ADARB1: variants seen among roughly 807,000 people sequenced by gnomAD.
ADARB1 encodes the protein double-stranded RNA-specific editase 1.
A neutral mutation model predicts 52.4 loss-of-function variants in ADARB1; 10 were observed. That is an observed-to-expected ratio of 0.19 (90% CI 0.12 to 0.32). The LOEUF (loss-of-function observed/expected upper bound fraction) is 0.32, where lower values mean the gene tolerates loss of function less well. Ranked by LOEUF, ADARB1 falls within the 10% of genes least tolerant of loss-of-function variation. The pLI, the probability that ADARB1 is intolerant of heterozygous loss-of-function variation, is 1.00. For synonymous variants in ADARB1, 349 were observed against 371.1 expected (o/e 0.94, Z 0.68); for missense variants, 643 against 922.3 (o/e 0.70, Z 3.92).
intron 1 of ADARB1, among the ~76,000 whole-genome samples, chr21:45,093,020 G>A (rs2123691976): frequency 6.6e-6 from 1 of 151,968 alleles, no homozygotes; most frequent in South Asian, 2.1e-4. Flanking sequence ...TCTGTTACTA[G>A]GCCCTGAAAC....
chr21:45,196,089 T>C (rs1312999135), intron 8 of ADARB1, among the ~76,000 whole-genome samples: 5 of 152,226 alleles, frequency 3.3e-5, no homozygotes, highest in East Asian at 1.9e-4. Flanking sequence ...GTTTTACTTA[T>C]ACAGATCTTG....
intron 1 of ADARB1, among the ~76,000 whole-genome samples, chr21:45,101,977 C>T (rs1176815332): frequency 1.2e-4 from 19 of 152,190 alleles, no homozygotes; most frequent in Admixed American, 1.2e-3. Flanking sequence ...CCTCAACTTC[C>T]AGGCTCAAGT....
chr21:45,082,354 A>C (rs1220394884), intron 1 of ADARB1, among the ~76,000 whole-genome samples: 1 of 152,236 alleles, frequency 6.6e-6, no homozygotes, highest in Non-Finnish European at 1.5e-5. Flanking sequence ...TTTCTATTAA[A>C]TATGTATCAC....
chr21:45,223,766 G>A lies in ADARB1; in HGVS notation c.*1569G>A. 1.0e-6 allele frequency: 1 copy of A among 985,484 alleles called. No homozygotes were observed. Among genetic ancestry groups the A allele is most frequent in the African/African-American group, 1.7e-5 (1 of 57,360 alleles). 61.0% of individuals were successfully genotyped at this position (985,484 alleles called of 1,614,324 possible). On this transcript the variant is annotated 3_prime_UTR_variant, in exon 11 of 11. Coordinates refer to ENST00000348831, the MANE Select transcript of ADARB1 (RefSeq NM_001112.4). ...TCAGACCCCAAAACTGAAACACCGT[G>A]GCTTCGGCGGGGGGTGTGCCTCCTG...
chr21:45,092,181 C>A (rs1446015262), intron 1 of ADARB1, among the ~76,000 whole-genome samples: 2 of 152,134 alleles, frequency 1.3e-5, no homozygotes, highest in Admixed American at 1.3e-4. Flanking sequence ...CCTGGGCCGT[C>A]GGTTCAGAAG....
At chr21:45,129,039 T>C (rs909486583) in intron 2 of ADARB1, among the ~76,000 whole-genome samples, 1 of 152,182 alleles carries the variant, frequency 6.6e-6, no homozygotes, top group Non-Finnish European at 1.5e-5. Flanking sequence ...GAGACCAGCC[T>C]GGCCAACGTG....
At chr21:45,147,017 G>T (rs1046497256) in intron 2 of ADARB1, among the ~76,000 whole-genome samples, 1 of 152,190 alleles carries the variant, frequency 6.6e-6, no homozygotes, top group African/African-American at 2.4e-5. Context: ...CTGTGCTTGG[G>T]CCTGGCCAGC....
At chr21:45,181,670 G>A (rs1285079664) in intron 5 of ADARB1, among the ~76,000 whole-genome samples, 2 of 152,344 alleles carry the variant, frequency 1.3e-5, no homozygotes, top group Non-Finnish European at 1.5e-5. Context: ...ACATCTTAGT[G>A]TGTATTTCAC....
chr21:45,090,722 G>C (rs377109901), intron 1 of ADARB1, among the ~76,000 whole-genome samples: 1 of 152,142 alleles, frequency 6.6e-6, no homozygotes, highest in Non-Finnish European at 1.5e-5. Context: ...CCCTCCCCAG[G>C]AGGACCCCGG....
rs1432496527 is a variant in ADARB1, at chr21:45,223,313, C to T, written c.*1116C>T. On this transcript the variant is annotated 3_prime_UTR_variant, in exon 11 of 11. Coordinates refer to ENST00000348831, the MANE Select transcript of ADARB1 (RefSeq NM_001112.4). ...AGCTGGTGAGACCACGTGCTGCTGG[C>T]GTAGTGTAGGCCAGACATTGACAGT... 1.2e-5 allele frequency: 12 copies of T among 985,376 alleles called. No individual in the cohort carries two copies. The highest frequency in any genetic ancestry group is 4.7e-5 in the South Asian group (1 of 21,294). The allele number at this position is 985,376 out of a possible 1,614,324, so 61.0% of individuals were successfully genotyped here.
chr21:45,147,774 A>C lies in ADARB1; in HGVS notation c.-48+19201A>C, dbSNP rs189996620. 1.8e-3 allele frequency among the ~76,000 whole-genome samples: 267 copies of C among 152,254 alleles called. 2 individuals carry two copies. The highest frequency in any genetic ancestry group is 2.6e-3 in the Non-Finnish European group (180 of 67,988). On this transcript the variant is annotated intron_variant, in intron 2 of 10. Coordinates refer to ENST00000348831, the MANE Select transcript of ADARB1 (RefSeq NM_001112.4). ...AGTCCCCCATCTCGCTGTGATAGCC[A>C]TGCAGGTCAGCAACTGTGAGCCTTC...
intron 2 of ADARB1, among the ~76,000 whole-genome samples, chr21:45,167,565 A>T (rs1399238865): frequency 6.6e-6 from 1 of 152,088 alleles, no homozygotes; most frequent in African/African-American, 2.4e-5. Flanking sequence ...AGCCTGGCCA[A>T]CATGGTGAAA....
chr21:45,206,739 A>C lies in ADARB1; in HGVS notation c.1747+2003A>C, dbSNP rs151267582. On this transcript the variant is annotated intron_variant, in intron 9 of 10. Coordinates refer to ENST00000348831, the MANE Select transcript of ADARB1 (RefSeq NM_001112.4). ...CAGGCGTGTGCCACCACAGCCAGCTAATTTTTGTATTTTTAGTAGAGACGG... is the reference window on the plus strand; with the variant it reads ...CAGGCGTGTGCCACCACAGCCAGCTCATTTTTGTATTTTTAGTAGAGACGG... 3.3e-3 allele frequency among the ~76,000 whole-genome samples: 496 copies of C among 151,640 alleles called. 1 individual carries two copies. Among genetic ancestry groups the C allele is most frequent in the African/African-American group, 0.011 (467 of 41,320 alleles).
intron 1 of ADARB1, among the ~76,000 whole-genome samples, chr21:45,088,851 C>G (rs563685166): frequency 6.6e-6 from 1 of 152,344 alleles, no homozygotes; most frequent in South Asian, 2.1e-4. Flanking sequence ...GGCATGTGCT[C>G]TGTCAGGGAC....
At chr21:45,134,202 T>G (rs1200537883) in intron 2 of ADARB1, among the ~76,000 whole-genome samples, 11 of 55,030 alleles carry the variant, frequency 2.0e-4, no homozygotes, top group Non-Finnish European at 2.4e-4. Context: ...GCCCGATGGG[T>G]GTGTGTGCCC....
In ADARB1 at chr21:45,089,731, A is replaced by G. The variant is rs965639935; in HGVS notation, c.-220+14938A>G. 2.0e-5 allele frequency among the ~76,000 whole-genome samples: 3 copies of G among 152,206 alleles called. No homozygotes were observed. The South Asian group carries it at 6.2e-4, about 31-fold the overall frequency. On this transcript the variant is annotated intron_variant, in intron 1 of 10. Coordinates refer to ENST00000348831, the MANE Select transcript of ADARB1 (RefSeq NM_001112.4). ...TGCCCTTTGCCCAGTTATCAGAAAT[A>G]TCACCTTTATCACTACTAAATGTTT...
chr21:45,126,304 G>C (rs1057148010), intron 1 of ADARB1, among the ~76,000 whole-genome samples: 1 of 152,126 alleles, frequency 6.6e-6, no homozygotes, highest in Non-Finnish European at 1.5e-5. Context: ...TAGGAGCAGC[G>C]TCTTGCATGT....
At chr21:45,210,001 G>C (rs906241434) in intron 9 of ADARB1, among the ~76,000 whole-genome samples, 3 of 152,190 alleles carry the variant, frequency 2.0e-5, no homozygotes, top group Non-Finnish European at 4.4e-5. Context: ...GGAGTGAACT[G>C]TTTTCCCCGC....
At chr21:45,155,790 CCCA>C (rs2090538943) in intron 2 of ADARB1, among the ~76,000 whole-genome samples, 1 of 100,602 alleles carries the variant, frequency 9.9e-6, no homozygotes, top group Non-Finnish European at 1.9e-5. Context: ...CACCCACCCA[CCCA>C]CCCATCATCA....
Sources: allele counts gnomAD v4.1 joint callset (sites outside exome capture counted in the v4.1 genomes callset), GRCh38; gene constraint gnomAD v4.1.1; transcripts MANE v1.5; gene names NCBI Gene and HGNC (gene_info 2026-07-23, HGNC 2026-07-21).